PTCHD4: variants seen among roughly 807,000 people sequenced by gnomAD.
The protein encoded by PTCHD4 is patched domain-containing protein 4.
PTCHD4 carries 33 observed loss-of-function variants against 58.1 expected under a neutral mutation model. The ratio of observed to expected loss-of-function variants is 0.57; its 90% confidence interval spans 0.43 to 0.76. PTCHD4 has a LOEUF of 0.76. Ranked by LOEUF, PTCHD4 falls within the 30% of genes least tolerant of loss-of-function variation. The probability of loss-of-function intolerance (pLI) is 0.00; values close to 1 mark genes in which losing one functional copy is unlikely to be tolerated. For missense variants in PTCHD4, 1,058 were observed against 1,027.1 expected (o/e 1.03, Z -0.41); for synonymous variants, 478 against 409.6 (o/e 1.17, Z -2.02).
At chr6:47,913,335 A>T (rs976070909) in intron 4 of PTCHD4, among the ~76,000 whole-genome samples, 4 of 152,094 alleles carry the variant, frequency 2.6e-5, no homozygotes, top group African/African-American at 9.7e-5. Context: ...AAAAAGTCAT[A>T]TTTATTTCCT....
rs563933439 is a variant in PTCHD4, at chr6:47,860,628, A to AT, written c.*17674dup. Among the ~76,000 whole-genome samples the AT allele has an allele frequency of 5.3e-5, 8 of 151,512 alleles. No homozygotes were observed. The highest frequency in any genetic ancestry group is 1.0e-4 in the Non-Finnish European group (7 of 67,798). On this transcript the variant is annotated 3_prime_UTR_variant, in exon 5 of 5. Coordinates refer to ENST00000339488, the MANE Select transcript of PTCHD4 (RefSeq NM_001384253.1). ...TTCACAATGTCTATCTTCCTTTATG[A>AT]TTTTTTTTCTCTGAACTCATATCTT... is the stretch of plus-strand genomic sequence containing the variant.
chr6:47,919,518 T>A (rs1765367379), intron 4 of PTCHD4, among the ~76,000 whole-genome samples: 1 of 152,122 alleles, frequency 6.6e-6, no homozygotes, highest in Admixed American at 6.6e-5. Context: ...GAGTTAAATA[T>A]CTAAAGATAG....
intron 1 of PTCHD4, among the ~76,000 whole-genome samples, chr6:48,091,072 T>C (rs1765357633): frequency 6.6e-6 from 1 of 152,134 alleles, no homozygotes; most frequent in African/African-American, 2.4e-5. Context: ...TGGTCACCAA[T>C]AGCAAGGTAA....
At chr6:47,906,877 T>C (rs1764905142) in intron 4 of PTCHD4, among the ~76,000 whole-genome samples, 2 of 152,184 alleles carry the variant, frequency 1.3e-5, no homozygotes, top group Admixed American at 1.3e-4. Flanking sequence ...TAGAGTTATT[T>C]TGAATTTACT....
chr6:47,926,443 G>A (rs561648256), intron 4 of PTCHD4, among the ~76,000 whole-genome samples: 14 of 152,128 alleles, frequency 9.2e-5, no homozygotes, highest in African/African-American at 2.9e-4. Context: ...AATACTTTAT[G>A]CATTGCTACT....
chr6:48,109,483 T>C (rs993518143), intron 1 of PTCHD4, among the ~76,000 whole-genome samples: 1 of 152,044 alleles, frequency 6.6e-6, no homozygotes, highest in Admixed American at 6.6e-5. Flanking sequence ...GAAGAAAACA[T>C]AGGGCCTTGA....
chr6:47,956,889 C>T (rs917399418), intron 4 of PTCHD4, among the ~76,000 whole-genome samples: 3 of 151,964 alleles, frequency 2.0e-5, no homozygotes, highest in South Asian at 2.1e-4. Flanking sequence ...TTTCGTTGGG[C>T]GTGGTGATTC....
chr6:47,900,978 C>T (rs1478601660), intron 4 of PTCHD4: 3 of 151,278 alleles, frequency 2.0e-5, no homozygotes, highest in Non-Finnish European at 4.4e-5. Flanking sequence ...CAAGGTGAAA[C>T]CCCGTCTCTA....
Position 47,927,184 on chromosome 6 carries a change from T to C in PTCHD4, c.899-47248A>G, listed in dbSNP as rs890784484. 4.6e-5 allele frequency among the ~76,000 whole-genome samples: 7 copies of C among 152,168 alleles called. No individual in the cohort carries two copies. In the East Asian group the frequency reaches 1.2e-3, roughly 25 times the overall value. ...ACTTGGAGCCTGAACTAGATATGCT[T>C]ATGTGCCCTCTATCCCCTACCTCAT... On this transcript the variant is annotated intron_variant, in intron 4 of 4. Coordinates refer to ENST00000339488, the MANE Select transcript of PTCHD4 (RefSeq NM_001384253.1).
At chr6:48,086,893 C>G (rs918572670) in intron 1 of PTCHD4, among the ~76,000 whole-genome samples, 1 of 152,082 alleles carries the variant, frequency 6.6e-6, no homozygotes, top group African/African-American at 2.4e-5. Flanking sequence ...TATTCTTGTT[C>G]TTTTCTAAAT....
rs528694754 is a variant in PTCHD4, at chr6:48,050,340, G to T, written c.417+17890C>A. Among the ~76,000 whole-genome samples the T allele has an allele frequency of 3.0e-4, 46 of 152,022 alleles. 1 individual carries two copies. In the South Asian group the frequency reaches 6.6e-3, roughly 22 times the overall value. Reference sequence around the variant, plus strand: ...AAGTGAGAATGAATTTGATGATACAGTAAATCCTTTTCCACTTTTAATCTT... The same window carrying T: ...AAGTGAGAATGAATTTGATGATACATTAAATCCTTTTCCACTTTTAATCTT... On this transcript the variant is annotated intron_variant, in intron 3 of 4. Transcript: ENST00000339488.
At chr6:47,905,043 T>TCACACACACACACACACACACACACACA (rs70999653) in intron 4 of PTCHD4, among the ~76,000 whole-genome samples, 1 of 131,568 alleles carries the variant, frequency 7.6e-6, no homozygotes, top group African/African-American at 2.8e-5. Context: ...AATACAGCCA[T>TCACACACACACACACACACACACACACA]CACACACACA....
At chr6:48,099,073 C>CT (rs1449095193) in intron 1 of PTCHD4, among the ~76,000 whole-genome samples, 2 of 152,130 alleles carry the variant, frequency 1.3e-5, no homozygotes, top group Non-Finnish European at 2.9e-5. Flanking sequence ...GACAAAGAAG[C>CT]TTATTTATCT....
chr6:47,945,282 T>A (rs911128122), intron 4 of PTCHD4, among the ~76,000 whole-genome samples: 1 of 152,126 alleles, frequency 6.6e-6, no homozygotes, highest in East Asian at 1.9e-4. Context: ...AGAGTAGAAT[T>A]CAGTTATTCA....
chr6:48,092,040 C>A (rs998898017), intron 1 of PTCHD4, among the ~76,000 whole-genome samples: 11 of 151,858 alleles, frequency 7.2e-5, no homozygotes, highest in African/African-American at 2.7e-4. Flanking sequence ...CAATAAAGAC[C>A]TAGATAAAAT....
At chr6:47,915,363 G>A (rs1765211477) in intron 4 of PTCHD4, among the ~76,000 whole-genome samples, 1 of 152,244 alleles carries the variant, frequency 6.6e-6, no homozygotes, top group South Asian at 2.1e-4. Context: ...CAGAATTCAA[G>A]TTTATGACAA....
intron 4 of PTCHD4, among the ~76,000 whole-genome samples, chr6:47,939,070 G>A (rs1766114557): frequency 6.6e-6 from 1 of 152,160 alleles, no homozygotes; most frequent in Non-Finnish European, 1.5e-5. Context: ...TATGGCTGTA[G>A]GAGCAAGTGG....
rs764023245 is a variant in PTCHD4, at chr6:47,858,864, A to G, written c.*19439T>C. 7.2e-5 allele frequency among the ~76,000 whole-genome samples: 11 copies of G among 152,058 alleles called. No individual in the cohort carries two copies. The highest frequency in any genetic ancestry group is 1.6e-4 in the Non-Finnish European group (11 of 67,974). ...AATATGCTTCCTATAATCCTTCTTG[A>G]ATCTATGAATTTAAACTACCCCATT... On this transcript the variant is annotated 3_prime_UTR_variant, in exon 5 of 5. Transcript: ENST00000339488.
At chr6:47,929,118 A>C (rs1765725890) in intron 4 of PTCHD4, among the ~76,000 whole-genome samples, 1 of 152,202 alleles carries the variant, frequency 6.6e-6, no homozygotes, top group South Asian at 2.1e-4. Flanking sequence ...CAGACATCCT[A>C]TCAAATATTA....
Sources: gnomAD v4.1 joint callset for allele counts (sites outside exome capture counted in the v4.1 genomes callset) on GRCh38, gnomAD v4.1.1 for gene constraint, MANE v1.5 for transcripts, NCBI Gene and HGNC (gene_info 2026-07-23, HGNC 2026-07-21) for gene names.